Variants in DLGAP1 observed in about 807,000 individuals in gnomAD.
DLGAP1 encodes the protein DLG associated protein 1.
DLGAP1 carries 11 observed loss-of-function variants against 90.8 expected under a neutral mutation model. The ratio of observed to expected loss-of-function variants is 0.12; its 90% CI spans 0.08 to 0.20. The LOEUF is 0.20. DLGAP1 is among the 10% of genes least tolerant of loss of function. The probability of loss-of-function intolerance (pLI) is 1.00; values close to 1 mark genes in which losing one functional copy is unlikely to be tolerated. For missense variants in DLGAP1, 1,050 were observed against 1,333.8 expected (o/e 0.79, Z 3.31); for synonymous variants, 558 against 540.7 (o/e 1.03, Z -0.44).
intron 10 of DLGAP1, among the ~76,000 whole-genome samples, chr18:3,519,823 C>G (rs2051068797): frequency 6.6e-6 from 1 of 152,136 alleles, no homozygotes; most frequent in African/African-American, 2.4e-5. Context: ...ACACAACCTG[C>G]TGGCACCTTG....
intron 7 of DLGAP1, among the ~76,000 whole-genome samples, chr18:3,626,716 C>A (rs1265407542): frequency 6.6e-6 from 1 of 151,782 alleles, no homozygotes; most frequent in Non-Finnish European, 1.5e-5. Flanking sequence ...GACCAGCCTG[C>A]CCAACATGGA....
At position 4,354,865 on chromosome 18, in the gene DLGAP1, C is replaced by T. The variant is rs1358484289; in HGVS notation, c.-267+100141G>A. Reference sequence around the variant, plus strand: ...ACTAGAGGTACAGGCAGCCTCCTGGCTTTTTCTGCAATTACTCTCACCAAA... The same window carrying T: ...ACTAGAGGTACAGGCAGCCTCCTGGTTTTTTCTGCAATTACTCTCACCAAA... On this transcript the variant is annotated intron_variant, in intron 1 of 12. Transcript: ENST00000315677. Among the ~76,000 whole-genome samples the T allele has an allele frequency of 7.6e-5, 9 of 117,888 alleles. 1 individual carries two copies. The East Asian group carries it at 8.1e-4, about 11-fold the overall frequency. 77.3% of individuals were successfully genotyped at this position (117,888 alleles called of 152,430 possible).
At chr18:3,970,935 C>T (rs2073435951) in intron 3 of DLGAP1, among the ~76,000 whole-genome samples, 1 of 152,148 alleles carries the variant, frequency 6.6e-6, no homozygotes, top group South Asian at 2.1e-4. Flanking sequence ...ACCCTTGTCT[C>T]TGGGCTAGGT....
intron 7 of DLGAP1, among the ~76,000 whole-genome samples, chr18:3,619,409 T>C (rs1599573457): frequency 6.6e-6 from 1 of 152,328 alleles, no homozygotes; most frequent in African/African-American, 2.4e-5. Context: ...GGGGCGCTGC[T>C]GACCTGCAAG....
chr18:4,118,075 C>G (rs2076091222), intron 2 of DLGAP1, among the ~76,000 whole-genome samples: 1 of 152,076 alleles, frequency 6.6e-6, no homozygotes, highest in African/African-American at 2.4e-5. Context: ...TGTTACACTT[C>G]TGATTGCTCT....
intron 3 of DLGAP1, among the ~76,000 whole-genome samples, chr18:3,999,719 G>GC (rs1263072460): frequency 7.0e-5 from 1 of 14,198 alleles, no homozygotes; most frequent in East Asian, 0.017. Context: ...AAATTATTGG[G>GC]GGGAAAAGTG....
At position 3,930,876 on chromosome 18, in the gene DLGAP1, T is replaced by A. The variant is rs192784897; in HGVS notation, c.-72-50736A>T. On this transcript the variant is annotated intron_variant, in intron 3 of 12. Coordinates refer to ENST00000315677, the MANE Select transcript of DLGAP1 (RefSeq NM_004746.4). ...CTCAAAATATCGTGAGGCAGAGACA[T>A]TTCTCTTGTGGTTTTGGAAACTGTC... is the stretch of plus-strand genomic sequence containing the variant. 3.2e-3 allele frequency among the ~76,000 whole-genome samples: 493 copies of A among 152,222 alleles called. 1 individual carries two copies. The highest frequency in any genetic ancestry group is 7.1e-3 in the Admixed American group (109 of 15,300).
chr18:3,592,432 C>A (rs932565371), intron 7 of DLGAP1, among the ~76,000 whole-genome samples: 6 of 152,186 alleles, frequency 3.9e-5, no homozygotes, highest in African/African-American at 1.4e-4. Flanking sequence ...ACCCTGGCAA[C>A]AACAAAGATG....
chr18:3,561,253 TAA>T (rs1222676731), intron 9 of DLGAP1, among the ~76,000 whole-genome samples: 3 of 66,372 alleles, frequency 4.5e-5, no homozygotes, highest in East Asian at 7.7e-4. Flanking sequence ...CCGTCTCTAC[TAA>T]AAAAAAAAAA....
intron 3 of DLGAP1, among the ~76,000 whole-genome samples, chr18:3,959,817 A>C (rs572348228): frequency 6.6e-6 from 1 of 152,324 alleles, no homozygotes; most frequent in South Asian, 2.1e-4. Flanking sequence ...ATGCATCTAA[A>C]TGTATTATTA....
intron 3 of DLGAP1, among the ~76,000 whole-genome samples, chr18:4,000,271 T>C (rs565619826): frequency 3.2e-4 from 49 of 152,338 alleles, no homozygotes; most frequent in Admixed American, 2.4e-3. Context: ...AATTAGCTAA[T>C]AACCCCTTCT....
chr18:3,906,387 T>G (rs1047831492), intron 3 of DLGAP1, among the ~76,000 whole-genome samples: 1 of 152,182 alleles, frequency 6.6e-6, no homozygotes, highest in Non-Finnish European at 1.5e-5. Context: ...TCAGTATAGT[T>G]GAAGTCCTTT....
At position 3,913,272 on chromosome 18, in the gene DLGAP1, T is replaced by G. The variant is rs532764436; in HGVS notation, c.-72-33132A>C. Among the ~76,000 whole-genome samples the G allele has an allele frequency of 8.8e-4, 134 of 151,966 alleles. 1 individual carries two copies. The highest frequency in any genetic ancestry group is 1.6e-3 in the Non-Finnish European group (110 of 68,004). ...CACCTGGCTAATTTTTAAATTTTTT[T>G]GTTTTGAGGGGGTCTCACTTTGTTC... On this transcript the variant is annotated intron_variant, in intron 3 of 12. Transcript: ENST00000315677.
chr18:4,416,094 A>G (rs2082892991), intron 1 of DLGAP1, among the ~76,000 whole-genome samples: 1 of 142,614 alleles, frequency 7.0e-6, no homozygotes, highest in African/African-American at 2.7e-5. Flanking sequence ...TTCTGGCTAG[A>G]ATATATTGTA....
chr18:3,696,982 G>A (rs932446364), intron 7 of DLGAP1, among the ~76,000 whole-genome samples: 9 of 152,074 alleles, frequency 5.9e-5, no homozygotes, highest in East Asian at 1.9e-4. Context: ...GTTTATTTGC[G>A]TAGAGGTGTT....
At chr18:4,019,608 T>C (rs2074576450) in intron 2 of DLGAP1, among the ~76,000 whole-genome samples, 1 of 150,762 alleles carries the variant, frequency 6.6e-6, no homozygotes, top group Non-Finnish European at 1.5e-5. Flanking sequence ...GATTTGTTTC[T>C]GTAGCTTAAG....
At chr18:4,060,376 C>T (rs1202565758) in intron 2 of DLGAP1, among the ~76,000 whole-genome samples, 1 of 152,218 alleles carries the variant, frequency 6.6e-6, no homozygotes, top group East Asian at 1.9e-4. Flanking sequence ...TAAAAATATA[C>T]TTCCCAAGAT....
chr18:3,996,258 A>T (rs2074068148), intron 3 of DLGAP1, among the ~76,000 whole-genome samples: 1 of 152,100 alleles, frequency 6.6e-6, no homozygotes, highest in African/African-American at 2.4e-5. Flanking sequence ...TTTAGGACAA[A>T]GTGAATTAAA....
chr18:4,209,748 G>C (rs2077802594), intron 1 of DLGAP1, among the ~76,000 whole-genome samples: 2 of 152,150 alleles, frequency 1.3e-5, no homozygotes, highest in South Asian at 4.2e-4. Context: ...AATTTTGGGG[G>C]GTACAAATTG....
Sources: allele counts gnomAD v4.1 joint callset (sites outside exome capture counted in the v4.1 genomes callset), GRCh38; gene constraint gnomAD v4.1.1; transcripts MANE v1.5; gene names NCBI Gene and HGNC (gene_info 2026-07-23, HGNC 2026-07-21).